OTC: variants seen among roughly 807,000 people sequenced by gnomAD.
The protein encoded by OTC is ornithine transcarbamylase, mitochondrial.
In OTC, 3 loss-of-function variants were observed where a neutral mutation model predicts 30.3. That is an observed-to-expected ratio of 0.10 (90% CI 0.05 to 0.26). The LOEUF is 0.26. OTC is among the 10% of genes least tolerant of loss of function. OTC has a pLI of 1.00. For missense variants in OTC, 194 were observed against 260.3 expected, an observed-to-expected ratio of 0.75 and a Z score of 1.75; for synonymous variants, 111 against 99.7, an observed-to-expected ratio of 1.11 and a Z score of -0.67.
chrX:38,420,127 CAATTAT>C (rs756145864), intron 9 of OTC, among the ~76,000 whole-genome samples: 3 of 110,932 alleles, frequency 2.7e-5, no homozygotes, highest in Non-Finnish European at 5.7e-5. Context: ...TAAATGTATA[CAATTAT>C]AATTTATCAA....
At chrX:38,381,201 G>T in intron 3 of OTC, 141 bp from the exon 4 acceptor site, 6 of 462,462 alleles carry the variant, frequency 1.3e-5, no homozygotes, top group Non-Finnish European at 2.2e-5. Context: ...ATTTTGCTTT[G>T]CATGGGAATT....
the OTC span, among the ~76,000 whole-genome samples, chrX:38,347,244 T>C: frequency 8.9e-6 from 1 of 112,370 alleles, no homozygotes; most frequent in Non-Finnish European, 1.9e-5. Flanking sequence ...GGACATTTGC[T>C]ATTTCACATA....
chrX:38,403,872 C>A, intron 6 of OTC, 132 bp downstream of exon 6: 1 of 655,452 alleles, frequency 1.5e-6, no homozygotes, highest in African/African-American at 2.1e-5. Flanking sequence ...GGTTACGTTA[C>A]CAGCCCTACT....
At chrX:38,374,813 T>C (rs1463107696) in intron 3 of OTC, among the ~76,000 whole-genome samples, 2 of 112,161 alleles carry the variant, frequency 1.8e-5, no homozygotes, top group African/African-American at 6.5e-5. Context: ...ACTTAGTAGG[T>C]GCACAATAAA....
intron 1 of OTC, among the ~76,000 whole-genome samples, chrX:38,367,005 C>T (rs991906878): frequency 9.1e-6 from 1 of 110,075 alleles, no homozygotes; most frequent in Non-Finnish European, 1.9e-5. Context: ...TGGAGAAACC[C>T]CGTCTCTAGT....
chrX:38,348,078 G>A (rs1221370231), upstream of OTC, among the ~76,000 whole-genome samples: 1 of 112,170 alleles, frequency 8.9e-6, no homozygotes, highest in Non-Finnish European at 1.9e-5. Flanking sequence ...TGAAATCCTA[G>A]CATCTCATTA....
Position 38,394,859 on chromosome X carries a change from G to A in OTC, c.387-6416G>A, listed in dbSNP as rs148980330. Among the ~76,000 whole-genome samples, 415 of 107,364 alleles carry A rather than the reference G, an allele frequency of 3.9e-3. 3 individuals are homozygous for A. The highest frequency in any genetic ancestry group is 0.014 in the African/African-American group (393 of 28,915). 93.2% of individuals were successfully genotyped at this position (107,364 alleles called of 115,157 possible). Reference sequence around the variant, plus strand: ...TAGGACTTGGGCACAATGTACATACGGCTGACTTTCTTTTGAAAAAGGAAA... The same window carrying A: ...TAGGACTTGGGCACAATGTACATACAGCTGACTTTCTTTTGAAAAAGGAAA... On this transcript the variant is annotated intron_variant, in intron 4 of 9. Transcript: ENST00000039007.
At chrX:38,354,733 G>A (rs1011310787) in intron 1 of OTC, among the ~76,000 whole-genome samples, 10 of 111,498 alleles carry the variant, frequency 9.0e-5, no homozygotes, top group Non-Finnish European at 1.7e-4. Flanking sequence ...ACTCAATAGT[G>A]TGAATCTCTA....
chrX:38,349,891 C>T, upstream of OTC, among the ~76,000 whole-genome samples: 1 of 111,634 alleles, frequency 9.0e-6, no homozygotes, highest in East Asian at 2.8e-4. Context: ...GGCTTCATTT[C>T]AATGGCCAAT....
At chrX:38,391,353 C>T (rs1023094421) in intron 4 of OTC, among the ~76,000 whole-genome samples, 3 of 110,837 alleles carry the variant, frequency 2.7e-5, no homozygotes, top group African/African-American at 9.9e-5. Context: ...ATGTAACTAA[C>T]CTGCATGTTG....
chrX:38,352,673 C>T lies in OTC; in HGVS notation c.-24C>T, dbSNP rs1264070410. Reference sequence around the variant, plus strand: ...TGTGGAGTTTTCAAGGGCATAGAATCGTCCTTTACACAATTAAAAGAAGAT... The same window carrying T: ...TGTGGAGTTTTCAAGGGCATAGAATTGTCCTTTACACAATTAAAAGAAGAT... On this transcript the variant is annotated 5_prime_UTR_variant, in exon 1 of 10. Transcript: ENST00000039007. The T allele has an allele frequency of 1.2e-5, 14 of 1,142,839 alleles. No homozygotes were observed. The highest frequency in any genetic ancestry group is 6.6e-5 in the Admixed American group (3 of 45,610). The allele number at this position is 1,142,839 out of a possible 1,213,427, so 94.2% of individuals were successfully genotyped here. A position where few individuals can be genotyped will look rare whatever the true frequency, so the allele number is the denominator to read the frequency against.
At chrX:38,411,229 T>C (rs2068540158) in intron 8 of OTC, among the ~76,000 whole-genome samples, 1 of 110,463 alleles carries the variant, frequency 9.1e-6, no homozygotes, top group African/African-American at 3.3e-5. Flanking sequence ...TGGACTATAA[T>C]TGGTGACTTT....
intron 4 of OTC, among the ~76,000 whole-genome samples, chrX:38,394,736 C>T (rs2068445699): frequency 9.0e-6 from 1 of 111,266 alleles, no homozygotes; most frequent in East Asian, 2.8e-4. Context: ...TCCTCAGTTT[C>T]GCATTAGGAT....
chrX:38,405,742 C>CCTCACGCTGAAT (rs2068512909), intron 6 of OTC, among the ~76,000 whole-genome samples: 1 of 111,746 alleles, frequency 8.9e-6, no homozygotes, highest in Admixed American at 9.5e-5. Context: ...CTCTTTTATT[C>CCTCACGCTGAAT]AGCGTGAACT....
chrX:38,396,181 C>T (rs1026764557), intron 4 of OTC, among the ~76,000 whole-genome samples: 12 of 107,042 alleles, frequency 1.1e-4, no homozygotes, highest in Non-Finnish European at 1.9e-4. Context: ...AAGCTGGTCT[C>T]GAACTCCTGA....
chrX:38,362,009 T>C (rs2068274344), intron 1 of OTC, among the ~76,000 whole-genome samples: 1 of 111,466 alleles, frequency 9.0e-6, no homozygotes, highest in Non-Finnish European at 1.9e-5. Flanking sequence ...GAGGACATTA[T>C]GCTAAGTGAC....
At position 38,366,516 on chromosome X, in the gene OTC, A is replaced by G. The variant is rs186952753; in HGVS notation, c.78-775A>G. The stretch of plus-strand genomic sequence containing the variant: ...ATTGTGCATTACAAATGCTGCTTGT[A>G]CAGCCCAATGATTTTAATAATAATA... On this transcript the variant is annotated intron_variant, in intron 1 of 9. Transcript: ENST00000039007. 1.3e-4 allele frequency among the ~76,000 whole-genome samples: 15 copies of G among 112,084 alleles called. No individual in the cohort carries two copies. The East Asian group carries it at 3.6e-3, about 27-fold the overall frequency.
chrX:38,387,385 C>T (rs747129363), intron 4 of OTC, among the ~76,000 whole-genome samples: 1 of 112,152 alleles, frequency 8.9e-6, no homozygotes, highest in South Asian at 3.7e-4. Flanking sequence ...ACAAGTATCC[C>T]AAAGAAGATC....
chrX:38,406,137 T>G (rs1000999066), intron 6 of OTC, among the ~76,000 whole-genome samples: 3 of 111,956 alleles, frequency 2.7e-5, no homozygotes, highest in African/African-American at 9.7e-5. Flanking sequence ...TTGCAAAGTC[T>G]TCTGGAAAGT....
Sources: allele counts gnomAD v4.1 joint callset (sites outside exome capture counted in the v4.1 genomes callset), GRCh38; gene constraint gnomAD v4.1.1; transcripts MANE v1.5; gene names NCBI Gene and HGNC (gene_info 2026-07-23, HGNC 2026-07-21).